Variants in DNAJC1 observed in about 807,000 individuals in gnomAD.
DNAJC1 encodes the protein DnaJ heat shock protein family (Hsp40) member C1.
DNAJC1 carries 58 observed loss-of-function variants against 76.6 expected under a neutral mutation model. That is an observed-to-expected ratio of 0.76 (90% CI 0.61 to 0.94). The LOEUF is 0.94. Among genes scored for constraint, DNAJC1 ranks in the 40% least tolerant of loss-of-function variants. The pLI, the probability that DNAJC1 is intolerant of heterozygous loss-of-function variation, is 0.00. For synonymous variants in DNAJC1, 258 were observed against 267.9 expected, an observed-to-expected ratio of 0.96 and a Z score of 0.36; for missense variants, 689 against 677.3, an observed-to-expected ratio of 1.02 and a Z score of -0.19.
intron 8 of DNAJC1, among the ~76,000 whole-genome samples, chr10:21,810,174 A>G (rs969554937): frequency 6.6e-6 from 1 of 152,204 alleles, no homozygotes; most frequent in African/African-American, 2.4e-5. Context: ...GGACACAAAA[A>G]AACAAAAACT....
intron 9 of DNAJC1, among the ~76,000 whole-genome samples, chr10:21,775,261 AAGT>A (rs1834439456): frequency 6.6e-6 from 1 of 151,374 alleles, no homozygotes; most frequent in African/African-American, 2.4e-5. Flanking sequence ...GATAATATTC[AAGT>A]TACTATGCAA....
rs564997548 is a variant in DNAJC1 at position 21,958,820 on chromosome 10, A to AT, written c.223-29680dup. Among the ~76,000 whole-genome samples the AT allele has an allele frequency of 2.7e-3, 409 of 151,802 alleles. 2 individuals are homozygous for AT. The highest frequency in any genetic ancestry group is 9.0e-3 in the African/African-American group (374 of 41,406). ...AGATTTGGCAGAAAAAAAAATCACT[A>AT]TTTTTTTTGCAGAAAAATTTTGCTG... On this transcript the variant is annotated intron_variant, in intron 1 of 11. Coordinates refer to ENST00000376980, the MANE Select transcript of DNAJC1 (RefSeq NM_022365.4).
Position 21,835,854 on chromosome 10 carries a change from C to T in DNAJC1, c.979-29755G>A, listed in dbSNP as rs990868936. On this transcript the variant is annotated intron_variant, in intron 8 of 11. Transcript: ENST00000376980. Reference sequence around the variant, plus strand: ...AAAGACCAAGTCTACGTCTGATTGGCGTACCTGAAAGTGACAGGGAGAATG... The same window carrying T: ...AAAGACCAAGTCTACGTCTGATTGGTGTACCTGAAAGTGACAGGGAGAATG... Among the ~76,000 whole-genome samples, 22 of 152,258 alleles carry T rather than the reference C, an allele frequency of 1.4e-4. No individual in the cohort carries two copies. In the South Asian group the frequency reaches 2.9e-3, roughly 20 times the overall value.
intron 6 of DNAJC1, among the ~76,000 whole-genome samples, chr10:21,905,438 C>A (rs551452905): frequency 6.6e-6 from 1 of 152,154 alleles, no homozygotes; most frequent in Non-Finnish European, 1.5e-5. Flanking sequence ...CCAGCCCACA[C>A]TGTGCTTCCA....
chr10:21,919,320 A>G lies in DNAJC1; in HGVS notation c.636-448T>C, dbSNP rs550225803. ...ATACATAAAAATTAATGTCATTTGCAGTTCACTGAAGCATTACTCACTGAT... is the reference window on the plus strand; with the variant it reads ...ATACATAAAAATTAATGTCATTTGCGGTTCACTGAAGCATTACTCACTGAT... On this transcript the variant is annotated intron_variant, in intron 5 of 11. Coordinates refer to ENST00000376980, the MANE Select transcript of DNAJC1 (RefSeq NM_022365.4). Among the ~76,000 whole-genome samples, 6 of 152,158 alleles carry G rather than the reference A, an allele frequency of 3.9e-5. No individual in the cohort carries two copies. In the East Asian group the frequency reaches 1.2e-3, roughly 29 times the overall value.
intron 1 of DNAJC1, among the ~76,000 whole-genome samples, chr10:21,979,150 T>C (rs922602119): frequency 1.3e-5 from 2 of 151,034 alleles, no homozygotes; most frequent in Admixed American, 6.6e-5. Context: ...AATATGAAGA[T>C]CTTTTAAAAA....
At chr10:21,928,665 A>T (rs1442480919) in intron 2 of DNAJC1, 113 bp from the exon 3 acceptor site, 1 of 771,944 alleles carries the variant, frequency 1.3e-6, no homozygotes, top group African/African-American at 1.8e-5. Flanking sequence ...CTATATATAC[A>T]ATAAACAGAT....
At chr10:21,835,344 G>C (rs1382675258) in intron 8 of DNAJC1, among the ~76,000 whole-genome samples, 2 of 152,136 alleles carry the variant, frequency 1.3e-5, no homozygotes, top group African/African-American at 2.4e-5. Flanking sequence ...CATCATGAAA[G>C]ACCAAAGGTA....
intron 8 of DNAJC1, among the ~76,000 whole-genome samples, chr10:21,862,478 G>A (rs1411419203): frequency 6.7e-6 from 1 of 149,212 alleles, no homozygotes; most frequent in African/African-American, 2.5e-5. Flanking sequence ...ACCCAGGCTG[G>A]AGTGCAGTCG....
rs1248936234 is a variant in DNAJC1 at position 21,803,906 on chromosome 10, C to G, written c.1098+2074G>C. ...AAAAAACAAAAAAAAAATCACTTCA[C>G]AATGTCAGGTTTTCCACTTCCATGA... On this transcript the variant is annotated intron_variant, in intron 9 of 11. Coordinates refer to ENST00000376980, the MANE Select transcript of DNAJC1 (RefSeq NM_022365.4). 3 of 975,686 alleles carry G rather than the reference C, an allele frequency of 3.1e-6. No individual in the cohort carries two copies. The East Asian group carries it at 3.5e-4, about 113-fold the overall frequency. The allele number at this position is 975,686 out of a possible 1,614,324, so 60.4% of individuals were successfully genotyped here. A position where few individuals can be genotyped will look rare whatever the true frequency, so the allele number is the denominator to read the frequency against.
intron 9 of DNAJC1, among the ~76,000 whole-genome samples, chr10:21,782,061 G>A (rs915040622): frequency 5.3e-5 from 8 of 152,124 alleles, no homozygotes; most frequent in Admixed American, 4.6e-4. Flanking sequence ...AACTGAAGGA[G>A]ATAGAGACAC....
intron 1 of DNAJC1, among the ~76,000 whole-genome samples, chr10:21,993,160 T>C (rs1838354731): frequency 6.6e-6 from 1 of 152,218 alleles, no homozygotes; most frequent in Non-Finnish European, 1.5e-5. Flanking sequence ...CTCATAAATT[T>C]ATATACTCAG....
chr10:21,762,230 C>T (rs1028904727), intron 10 of DNAJC1, among the ~76,000 whole-genome samples: 1 of 152,176 alleles, frequency 6.6e-6, no homozygotes, highest in African/African-American at 2.4e-5. Flanking sequence ...AGCCACCACG[C>T]CCAGCCGAAA....
intron 1 of DNAJC1, among the ~76,000 whole-genome samples, chr10:21,952,429 A>C (rs1837613910): frequency 6.6e-6 from 1 of 152,200 alleles, no homozygotes; most frequent in Non-Finnish European, 1.5e-5. Context: ...TACTAGTAGA[A>C]AAGTAAGAAA....
At chr10:21,879,270 T>C (rs539960751) in intron 8 of DNAJC1, among the ~76,000 whole-genome samples, 1 of 152,286 alleles carries the variant, frequency 6.6e-6, no homozygotes, top group East Asian at 1.9e-4. Context: ...GCTACCACAA[T>C]AAAGTTAATA....
chr10:21,946,750 A>T (rs1837511988), intron 1 of DNAJC1, among the ~76,000 whole-genome samples: 1 of 152,194 alleles, frequency 6.6e-6, no homozygotes, highest in Non-Finnish European at 1.5e-5. Context: ...AATAGCCCCA[A>T]ATTAGAAACA....
intron 1 of DNAJC1, among the ~76,000 whole-genome samples, chr10:21,932,451 T>TC (rs1411210500): frequency 1.6e-4 from 25 of 152,186 alleles, no homozygotes; most frequent in African/African-American, 4.8e-5. Flanking sequence ...AGTTCGTCCC[T>TC]CCAGAGAAAC....
intron 8 of DNAJC1, among the ~76,000 whole-genome samples, chr10:21,821,280 G>C (rs991378973): frequency 6.6e-6 from 1 of 152,082 alleles, no homozygotes; most frequent in Non-Finnish European, 1.5e-5. Flanking sequence ...TGTAACAAAG[G>C]AATGTAACAA....
intron 1 of DNAJC1, among the ~76,000 whole-genome samples, chr10:21,953,990 A>T (rs889452670): frequency 6.6e-6 from 1 of 152,098 alleles, no homozygotes; most frequent in Admixed American, 6.5e-5. Flanking sequence ...TGTTTCTAGA[A>T]AATAGCACTG....
Sources: gnomAD v4.1 joint callset for allele counts (sites outside exome capture counted in the v4.1 genomes callset) on GRCh38, gnomAD v4.1.1 for gene constraint, MANE v1.5 for transcripts, NCBI Gene and HGNC (gene_info 2026-07-23, HGNC 2026-07-21) for gene names.